MLLT3: variants seen among roughly 807,000 people sequenced by gnomAD.
MLLT3 encodes the protein protein AF-9.
A neutral mutation model predicts 53.2 loss-of-function variants in MLLT3; 4 were observed. The ratio of observed to expected loss-of-function variants is 0.08; its 90% CI spans 0.04 to 0.17. The LOEUF is 0.17. Among genes scored for constraint, MLLT3 ranks in the 10% least tolerant of loss-of-function variants. MLLT3 has a pLI of 1.00. For missense variants in MLLT3, 569 were observed against 684.0 expected (o/e 0.83, Z 1.87); for synonymous variants, 283 against 230.6 (o/e 1.23, Z -2.06).
chr9:20,455,927 C>CTTTTTTTTT (rs780438955), intron 3 of MLLT3, among the ~76,000 whole-genome samples: 1 of 116,874 alleles, frequency 8.6e-6, no homozygotes, highest in Non-Finnish European at 1.8e-5. Flanking sequence ...CTGCTAAAAA[C>CTTTTTTTTT]TTTTTTTTTT....
At chr9:20,614,587 A>G (rs1820778944) in intron 2 of MLLT3, among the ~76,000 whole-genome samples, 1 of 152,206 alleles carries the variant, frequency 6.6e-6, no homozygotes. Context: ...TGAAAATTTC[A>G]GATAACTCGT....
intron 4 of MLLT3, among the ~76,000 whole-genome samples, chr9:20,444,367 G>T (rs1178921378): frequency 6.6e-6 from 1 of 152,068 alleles, no homozygotes; most frequent in Non-Finnish European, 1.5e-5. Flanking sequence ...AAAATTAAAA[G>T]ACATATTATG....
At chr9:20,588,223 C>T (rs1362225027) in intron 2 of MLLT3, among the ~76,000 whole-genome samples, 1 of 151,238 alleles carries the variant, frequency 6.6e-6, no homozygotes, top group African/African-American at 2.4e-5. Context: ...GTACCAGTAC[C>T]ATGCTGTTTT....
rs1369798931 is a variant in MLLT3, at chr9:20,620,870, C to T, written c.13-36G>A. 1 of 1,611,670 alleles carries T rather than the reference C, an allele frequency of 6.2e-7. No homozygotes were observed. The highest frequency in any genetic ancestry group is 1.3e-5 in the African/African-American group (1 of 74,906). Reference sequence around the variant, plus strand: ...GGGGAGGAGAGACAGCCGTGAATAACAGGAAGGCGAGGTTTCGGCAGTGAA... The same window carrying T: ...GGGGAGGAGAGACAGCCGTGAATAATAGGAAGGCGAGGTTTCGGCAGTGAA... On this transcript the variant is annotated intron_variant, in intron 1 of 10. Transcript: ENST00000380338. This position sits in a 1 kb window ranked among gnomAD's most constrained non-coding sequence, Gnocchi z 6.1.
chr9:20,429,919 T>G (rs1823225228), intron 4 of MLLT3, among the ~76,000 whole-genome samples: 1 of 151,966 alleles, frequency 6.6e-6, no homozygotes, highest in Admixed American at 6.6e-5. Context: ...GACTGCAAAA[T>G]GCACTGGGGG....
At chr9:20,407,763 C>CAAT (rs1311983898) in intron 5 of MLLT3, among the ~76,000 whole-genome samples, 6 of 151,838 alleles carry the variant, frequency 4.0e-5, no homozygotes, top group South Asian at 2.1e-4. Context: ...CATAAAATGG[C>CAAT]AATAATAATA....
chr9:20,366,254 T>G (rs1182971319), intron 5 of MLLT3, among the ~76,000 whole-genome samples: 1 of 152,216 alleles, frequency 6.6e-6, no homozygotes, highest in Non-Finnish European at 1.5e-5. Context: ...TGTGTCTATG[T>G]GTTCTTATTG....
intron 2 of MLLT3, among the ~76,000 whole-genome samples, chr9:20,505,402 A>G (rs1015280160): frequency 6.6e-6 from 1 of 152,182 alleles, no homozygotes; most frequent in African/African-American, 2.4e-5. Flanking sequence ...TTTTTCCTCC[A>G]ACAAAATTGG....
intron 2 of MLLT3, among the ~76,000 whole-genome samples, chr9:20,575,067 A>T (rs190391336): frequency 9.2e-5 from 14 of 152,358 alleles, no homozygotes; most frequent in Admixed American, 2.6e-4. Context: ...GCAGCAATTC[A>T]GTCACATATT....
intron 9 of MLLT3, 68 bp from the exon 10 acceptor site, chr9:20,353,664 G>C: frequency 7.6e-7 from 1 of 1,318,062 alleles, no homozygotes; most frequent in South Asian, 1.2e-5. Context: ...AAATGAATAT[G>C]TAAGTAAGAA....
At chr9:20,531,309 T>C (rs1818330449) in intron 2 of MLLT3, among the ~76,000 whole-genome samples, 2 of 152,082 alleles carry the variant, frequency 1.3e-5, no homozygotes, top group Admixed American at 6.6e-5. Context: ...GTAATTTTTG[T>C]GTTTTTAGTA....
chr9:20,550,487 G>A (rs1006575498), intron 2 of MLLT3, among the ~76,000 whole-genome samples: 1 of 152,158 alleles, frequency 6.6e-6, no homozygotes, highest in Non-Finnish European at 1.5e-5. Flanking sequence ...CTGGAATGCA[G>A]TGGCACAATC....
intron 2 of MLLT3, among the ~76,000 whole-genome samples, chr9:20,615,200 A>C (rs968078360): frequency 1.3e-5 from 2 of 151,650 alleles, no homozygotes; most frequent in Non-Finnish European, 2.9e-5. Flanking sequence ...ACACACACAC[A>C]AACTGCCAGG....
chr9:20,460,071 A>G (rs1243229294), intron 2 of MLLT3, among the ~76,000 whole-genome samples: 1 of 152,242 alleles, frequency 6.6e-6, no homozygotes. Context: ...GTTAAAACTT[A>G]GAAACATTTT....
rs748829169 is a variant in MLLT3 at position 20,345,603 on chromosome 9, G to A, written c.*840C>T. ...TGTTGATGACAGCTCAACAATGCTGGATTCAGGACATTTACAGGTACACTT... is the reference window on the plus strand; with the variant it reads ...TGTTGATGACAGCTCAACAATGCTGAATTCAGGACATTTACAGGTACACTT... On this transcript the variant is annotated 3_prime_UTR_variant, in exon 11 of 11. Coordinates refer to ENST00000380338, the MANE Select transcript of MLLT3 (RefSeq NM_004529.4). 8.7e-5 allele frequency: 18 copies of A among 207,154 alleles called. No individual in the cohort carries two copies. Among genetic ancestry groups the A allele is most frequent in the Non-Finnish European group, 1.5e-4 (15 of 101,546 alleles). 12.8% of individuals were successfully genotyped at this position (207,154 alleles called of 1,614,324 possible). A position where few individuals can be genotyped will look rare whatever the true frequency, so the allele number is the denominator to read the frequency against.
intron 2 of MLLT3, among the ~76,000 whole-genome samples, chr9:20,613,544 G>C (rs932573432): frequency 1.3e-5 from 2 of 151,468 alleles, no homozygotes. Flanking sequence ...CTTGGTAGTG[G>C]GGATTTGAAT....
intron 2 of MLLT3, among the ~76,000 whole-genome samples, chr9:20,570,642 A>G (rs953451534): frequency 4.6e-5 from 7 of 152,200 alleles, no homozygotes; most frequent in African/African-American, 1.4e-4. Context: ...TGTCAGAACC[A>G]AACATTTAAG....
intron 2 of MLLT3, among the ~76,000 whole-genome samples, chr9:20,615,474 G>C (rs911090471): frequency 6.9e-6 from 1 of 144,972 alleles, no homozygotes; most frequent in Non-Finnish European, 1.5e-5. Flanking sequence ...AAACAATTTT[G>C]TTAGGTAATC....
At chr9:20,489,764 T>C (rs1183152525) in intron 2 of MLLT3, among the ~76,000 whole-genome samples, 1 of 152,214 alleles carries the variant, frequency 6.6e-6, no homozygotes, top group Non-Finnish European at 1.5e-5. Context: ...CAGCTTCCTA[T>C]ATAAACGGCA....
Sources: allele counts gnomAD v4.1 joint callset (sites outside exome capture counted in the v4.1 genomes callset), GRCh38; gene constraint gnomAD v4.1.1; non-coding constraint Gnocchi (gnomAD v3.1); transcripts MANE v1.5; gene names NCBI Gene and HGNC (gene_info 2026-07-23, HGNC 2026-07-21).